The following PGC variants were observed in gnomAD, a reference collection of about 807,000 sequenced individuals.
The protein encoded by PGC is progastricsin.
Under a neutral mutation model 45.9 loss-of-function variants are expected in PGC, and 31 were observed. That is an observed-to-expected ratio of 0.67 (90% CI 0.51 to 0.91). The LOEUF is 0.91. PGC is among the 40% of genes least tolerant of loss of function. PGC has a pLI of 0.00. For missense variants in PGC, 477 were observed against 493.2 expected, an observed-to-expected ratio of 0.97 and a Z score of 0.31; for synonymous variants, 192 against 201.8, an observed-to-expected ratio of 0.95 and a Z score of 0.41.
rs752141800 is a variant in PGC at position 41,744,462 on chromosome 6, A to T, written c.263T>A (p.Val88Asp). 1 of 1,613,840 alleles carries T rather than the reference A, an allele frequency of 6.2e-7. No individual in the cohort carries two copies. The highest frequency in any genetic ancestry group is 1.1e-5 in the South Asian group (1 of 91,068). Residue 88 changes from valine (V) to aspartate (D), a missense_variant, in exon 3 of 9, where the codon GTC (valine) becomes GAC (aspartate). Coordinates refer to ENST00000373025, the MANE Select transcript of PGC (RefSeq NM_002630.4). This position sits in a 1 kb window ranked among gnomAD's most constrained non-coding sequence, Gnocchi z 4.4. ...SIGTPPQNFL[V>D]LFDTGSSNLW... Reference sequence around the variant, plus strand: ...GTTGGAGGAGCCGGTGTCAAAAAGGACCAGGAAGTTCTGGGGTGGAGTCCC... The same window carrying T: ...GTTGGAGGAGCCGGTGTCAAAAAGGTCCAGGAAGTTCTGGGGTGGAGTCCC...
At chr6:41,742,516 T>C in intron 4 of PGC, 27 bp from the exon 5 acceptor site, 1 of 1,572,710 alleles carries the variant, frequency 6.4e-7, no homozygotes, top group Non-Finnish European at 8.8e-7. Flanking sequence ...CGAGGGGAGG[T>C]GACCAGTCTG....
At chr6:41,741,852 A>G (rs1771831818) in intron 5 of PGC, 4 of 1,532,350 alleles carry the variant, frequency 2.6e-6, no homozygotes, top group Non-Finnish European at 2.6e-6. Context: ...GGCTAGAACA[A>G]TAGATAAAAG....
chr6:41,745,625 C>T (rs1771918158), intron 1 of PGC, among the ~76,000 whole-genome samples: 1 of 151,100 alleles, frequency 6.6e-6, no homozygotes, highest in African/African-American at 2.4e-5. Flanking sequence ...TCTCGGCTCA[C>T]CTCAACTTCC....
Position 41,736,782 on chromosome 6 carries a change from A to G in PGC, c.*70T>C, listed in dbSNP as rs757115530. 2.0e-6 allele frequency: 3 copies of G among 1,479,410 alleles called. 1 individual carries two copies. In the South Asian group the frequency reaches 3.4e-5, roughly 17 times the overall value. The allele number at this position is 1,479,410 out of a possible 1,614,324, so 91.6% of individuals were successfully genotyped here. A position where few individuals can be genotyped will look rare whatever the true frequency, so the allele number is the denominator to read the frequency against. Reference sequence around the variant, plus strand: ...AGAAGGCTGAATCCAGAGTGGAAAGACAGATACAATGCCCTAGGAGGGTGC... The same window carrying G: ...AGAAGGCTGAATCCAGAGTGGAAAGGCAGATACAATGCCCTAGGAGGGTGC... On this transcript the variant is annotated 3_prime_UTR_variant, in exon 9 of 9. Transcript: ENST00000373025.
chr6:41,742,244 C>CGGG, intron 5 of PGC, 46 bp downstream of exon 5: 1 of 1,563,810 alleles, frequency 6.4e-7, no homozygotes, highest in Admixed American at 1.7e-5. Context: ...CCAGGGCGGC[C>CGGG]GGGGGAGCAT....
chr6:41,744,989 GTCTC>G lies in PGC; in HGVS notation c.60-185_60-182del, dbSNP rs10542589. On this transcript the variant is annotated intron_variant, in intron 1 of 8. Coordinates refer to ENST00000373025, the MANE Select transcript of PGC (RefSeq NM_002630.4). The surrounding 1 kb of genome is among the most constrained non-coding windows in gnomAD (Gnocchi z 4.4). ...TTTTGCTCTCTGTCTCTGTCTGTCT[GTCTC>G]TCTGTGTGTGTGTGTGTGTGTGCGC... is the stretch of plus-strand genomic sequence containing the variant. Among the ~76,000 whole-genome samples, 63 of 81,112 alleles carry G rather than the reference GTCTC, an allele frequency of 7.8e-4. No individual in the cohort carries two copies. Among genetic ancestry groups the G allele is most frequent in the African/African-American group, 1.6e-3 (48 of 29,514 alleles). 53.2% of individuals were successfully genotyped at this position (81,112 alleles called of 152,430 possible).
At chr6:41,741,561 G>A (rs956051128) in intron 5 of PGC, among the ~76,000 whole-genome samples, 1 of 152,190 alleles carries the variant, frequency 6.6e-6, no homozygotes, top group Admixed American at 6.5e-5. Context: ...CTGGAAAATA[G>A]CTTGAATCCG....
At position 41,744,993 on chromosome 6, in the gene PGC, C is replaced by CTGTGTGTG. The variant is rs754107947; in HGVS notation, c.60-186_60-185insCACACACA. The stretch of plus-strand genomic sequence containing the variant: ...GCTCTCTGTCTCTGTCTGTCTGTCT[C>CTGTGTGTG]TCTGTGTGTGTGTGTGTGTGTGCGC... On this transcript the variant is annotated intron_variant, in intron 1 of 8. Transcript: ENST00000373025. This position sits in a 1 kb window ranked among gnomAD's most constrained non-coding sequence, Gnocchi z 4.4. 1.5e-5 allele frequency among the ~76,000 whole-genome samples: 2 copies of CTGTGTGTG among 132,088 alleles called. No individual in the cohort carries two copies. The highest frequency in any genetic ancestry group is 2.1e-4 in the East Asian group (1 of 4,816). 86.7% of individuals were successfully genotyped at this position (132,088 alleles called of 152,430 possible).
chr6:41,738,298 G>A (rs551382482), intron 7 of PGC, among the ~76,000 whole-genome samples: 108 of 145,890 alleles, frequency 7.4e-4, no homozygotes, highest in South Asian at 1.3e-3. Context: ...ACACAGGCAT[G>A]AGCCATGATG....
chr6:41,746,162 C>CAAA (rs11461815), intron 1 of PGC, among the ~76,000 whole-genome samples: 1 of 144,964 alleles, frequency 6.9e-6, no homozygotes, highest in African/African-American at 2.5e-5. Context: ...AGTTCTGTTT[C>CAAA]AAAAAAAAAA....
In PGC at chr6:41,738,217, T is replaced by TATATATATGCATATATATATATGC. The variant is rs1561879931; in HGVS notation, c.916-390_916-389insGCATATATATATATGCATATATAT. On this transcript the variant is annotated intron_variant, in intron 7 of 8. Coordinates refer to ENST00000373025, the MANE Select transcript of PGC (RefSeq NM_002630.4). ...ATATATATATGCATATATATATGCA[T>TATATATATGCATATATATATATGC]ATATATATGCATATATATATGTATA... 5.9e-5 allele frequency among the ~76,000 whole-genome samples: 2 copies of TATATATATGCATATATATATATGC among 33,624 alleles called. 1 individual carries two copies. The highest frequency in any genetic ancestry group is 1.8e-4 in the African/African-American group (2 of 11,318). 22.1% of individuals were successfully genotyped at this position (33,624 alleles called of 152,430 possible).
intron 4 of PGC, among the ~76,000 whole-genome samples, chr6:41,742,890 C>T (rs1410436007): frequency 1.3e-5 from 2 of 152,194 alleles, no homozygotes; most frequent in Non-Finnish European, 2.9e-5. Context: ...TTCCAAAGTG[C>T]TGGGATTACA....
intron 1 of PGC, among the ~76,000 whole-genome samples, chr6:41,745,309 G>A (rs1005547459): frequency 5.3e-5 from 8 of 151,690 alleles, no homozygotes; most frequent in East Asian, 1.9e-4. Context: ...CACAATCTCC[G>A]CTCACTGCAA....
At chr6:41,745,720 T>A (rs1273466643) in intron 1 of PGC, among the ~76,000 whole-genome samples, 16 of 151,786 alleles carry the variant, frequency 1.1e-4, no homozygotes, top group Admixed American at 1.0e-3. Flanking sequence ...CAGCTAATTT[T>A]GTATTTTTAG....
intron 5 of PGC, chr6:41,740,849 CTG>C (rs1430240213): frequency 7.0e-7 from 1 of 1,428,196 alleles, no homozygotes; most frequent in Non-Finnish European, 9.1e-7. Flanking sequence ...GAGGACGAGT[CTG>C]TGTCTCCCTC....
At position 41,740,546 on chromosome 6, in the gene PGC, G is replaced by A. The variant is rs746710594; in HGVS notation, c.712C>T (p.Gln238Ter). 2 of 1,610,994 alleles carry A rather than the reference G, an allele frequency of 1.2e-6. No homozygotes were observed. Among genetic ancestry groups the A allele is most frequent in the African/African-American group, 1.3e-5 (1 of 74,816 alleles). The part of the protein sequence containing the change: ...GGVDSSLYTG[Q>*]IYWAPVTQEL... ...TGGGTGACAGGCGCCCAGTAGATCT[G>A]CCCCGTGTACAGGCTGCTATCCACA... The change falls in exon 6 of 9, where the codon CAG (glutamine) becomes TAG (stop). Residue 238 changes from glutamine to a stop codon, truncating the protein, a stop_gained. Transcript: ENST00000373025. LOFTEE classifies it high-confidence loss of function.
At chr6:41,737,967 C>T (rs186808940) in intron 7 of PGC, 139 bp from the exon 8 acceptor site, 2 of 596,792 alleles carry the variant, frequency 3.4e-6, no homozygotes, top group Non-Finnish European at 6.1e-6. Flanking sequence ...GAATGCAGCT[C>T]CAAGGGAAAG....
intron 7 of PGC, among the ~76,000 whole-genome samples, chr6:41,739,080 T>G (rs1157871178): frequency 1.3e-5 from 2 of 152,204 alleles, no homozygotes; most frequent in Non-Finnish European, 2.9e-5. Flanking sequence ...AACAAACCCT[T>G]GGCTGGACTC....
In PGC at chr6:41,744,819, G is replaced by C; in HGVS notation, c.60-11C>G. On this transcript the variant is annotated splice_polypyrimidine_tract_variant and intron_variant, in intron 1 of 8. Coordinates refer to ENST00000373025, the MANE Select transcript of PGC (RefSeq NM_002630.4). This position sits in a 1 kb window ranked among gnomAD's most constrained non-coding sequence, Gnocchi z 4.4. Reference sequence around the variant, plus strand: ...TTCTTCAGGGGCACTCTACAGAAAGGTTGCATATGAGGCAAGGCCCTCCCT... The same window carrying C: ...TTCTTCAGGGGCACTCTACAGAAAGCTTGCATATGAGGCAAGGCCCTCCCT... The C allele has an allele frequency of 6.2e-7, 1 of 1,612,494 alleles. No individual in the cohort carries two copies. Among genetic ancestry groups the C allele is most frequent in the South Asian group, 1.1e-5 (1 of 90,812 alleles).
Sources: gnomAD v4.1 joint callset for allele counts (sites outside exome capture counted in the v4.1 genomes callset) on GRCh38, gnomAD v4.1.1 for gene constraint, Gnocchi (gnomAD v3.1) non-coding constraint, MANE v1.5 for transcripts, NCBI Gene and HGNC (gene_info 2026-07-23, HGNC 2026-07-21) for gene names.